The following HDAC9 variants were observed in gnomAD, a reference collection of about 807,000 sequenced individuals.
HDAC9 encodes the protein histone deacetylase 9, also known as MEF-2 interacting transcription repressor (MITR) protein.
A neutral mutation model predicts 139.4 loss-of-function variants in HDAC9; 41 were observed. The ratio of observed to expected loss-of-function variants is 0.29; its 90% CI spans 0.23 to 0.38. The LOEUF (loss-of-function observed/expected upper bound fraction) is 0.38. Among genes scored for constraint, HDAC9 ranks in the 10% least tolerant of loss-of-function variants. The probability of loss-of-function intolerance (pLI) is 1.00; values close to 1 mark genes in which losing one functional copy is unlikely to be tolerated. For missense variants in HDAC9, 1,147 were observed against 1,297.0 expected, an observed-to-expected ratio of 0.88 and a Z score of 1.78; for synonymous variants, 517 against 476.2, an observed-to-expected ratio of 1.09 and a Z score of -1.12.
chr7:18,162,965 T>G (rs979150276), intron 2 of HDAC9, among the ~76,000 whole-genome samples: 16 of 152,166 alleles, frequency 1.1e-4, no homozygotes, highest in Non-Finnish European at 1.5e-5. Flanking sequence ...ACAATCCAAG[T>G]TTTGGGAATG....
At chr7:18,347,629 A>G (rs1782520763) in intron 1 of HDAC9, among the ~76,000 whole-genome samples, 1 of 152,082 alleles carries the variant, frequency 6.6e-6, no homozygotes, top group South Asian at 2.1e-4. Flanking sequence ...TTTTTTAGAC[A>G]GAGTCTCAGT....
chr7:18,555,572 C>T (rs58218896), intron 2 of HDAC9, among the ~76,000 whole-genome samples: 3,242 of 152,018 alleles, frequency 0.021, 132 homozygotes, highest in African/African-American at 0.074. Context: ...AGTATACACA[C>T]GGAGACAGAC....
chr7:18,128,916 A>G (rs1416946616), intron 1 of HDAC9, among the ~76,000 whole-genome samples: 1 of 151,798 alleles, frequency 6.6e-6, no homozygotes, highest in South Asian at 2.1e-4. Flanking sequence ...TGCCACTCTA[A>G]CAGGCTGAGA....
At chr7:18,793,877 C>T (rs576046361) in intron 17 of HDAC9, among the ~76,000 whole-genome samples, 33 of 151,938 alleles carry the variant, frequency 2.2e-4, no homozygotes, top group East Asian at 5.8e-4. Flanking sequence ...AAATACCAGA[C>T]GGGAAGGATT....
chr7:18,608,576 T>C (rs894043314), intron 6 of HDAC9, among the ~76,000 whole-genome samples: 1 of 152,178 alleles, frequency 6.6e-6, no homozygotes, highest in Admixed American at 6.5e-5. Context: ...TGTATTCTCA[T>C]ATCATTGTAA....
chr7:18,446,505 C>T (rs989134288), intron 1 of HDAC9, among the ~76,000 whole-genome samples: 3 of 152,140 alleles, frequency 2.0e-5, no homozygotes, highest in African/African-American at 7.2e-5. Context: ...AACGTATATT[C>T]AAATATATTA....
intron 11 of HDAC9, among the ~76,000 whole-genome samples, chr7:18,650,978 C>T (rs1397531708): frequency 1.3e-5 from 2 of 152,098 alleles, no homozygotes; most frequent in African/African-American, 4.8e-5. Flanking sequence ...TACCTGCCCT[C>T]AGTTGTCTAA....
At chr7:18,340,415 A>C (rs1781915756) in intron 1 of HDAC9, among the ~76,000 whole-genome samples, 1 of 151,424 alleles carries the variant, frequency 6.6e-6, no homozygotes, top group African/African-American at 2.4e-5. Flanking sequence ...CTCATTTCCT[A>C]CTTGTTCTGT....
chr7:18,267,176 A>T (rs1796057018), intron 2 of HDAC9, among the ~76,000 whole-genome samples: 1 of 152,050 alleles, frequency 6.6e-6, no homozygotes. Context: ...CTTATTTCTA[A>T]ATTTATTTTA....
rs575545908 is a variant in HDAC9, at chr7:18,450,311, C to T, written c.-41-45951C>T. ...ACATCAACATCTGTGATTACTGATT[C>T]AACCCTAGCTCTTTGATATTTATTC... On this transcript the variant is annotated intron_variant, in intron 1 of 3. Coordinates refer to the HDAC9 transcript ENST00000413509. Among the ~76,000 whole-genome samples, 6 of 152,314 alleles carry T rather than the reference C, an allele frequency of 3.9e-5. 1 individual carries two copies. The highest frequency in any genetic ancestry group is 1.2e-4 in the African/African-American group (5 of 41,578).
chr7:18,835,459 C>T lies in HDAC9; in HGVS notation c.2467-8C>T. The T allele has an allele frequency of 1.2e-6, 2 of 1,609,690 alleles. No individual in the cohort carries two copies. The highest frequency in any genetic ancestry group is 1.7e-6 in the Non-Finnish European group (2 of 1,177,414). On this transcript the variant is annotated splice_polypyrimidine_tract_variant and splice_region_variant and intron_variant, in intron 19 of 25. Transcript: ENST00000686413. ...CTGTATTTGTCGTCTGTTTTCATTT[C>T]CCTGTAGGATGTTCACCATGGAAAC...
chr7:18,555,601 G>A (rs979303734), intron 2 of HDAC9, among the ~76,000 whole-genome samples: 33 of 152,224 alleles, frequency 2.2e-4, no homozygotes, highest in African/African-American at 7.0e-4. Context: ...ACAGATGTGT[G>A]TATATGAAAA....
intron 22 of HDAC9, among the ~76,000 whole-genome samples, chr7:18,920,660 T>A (rs1444679185): frequency 2.0e-5 from 3 of 152,160 alleles, no homozygotes; most frequent in African/African-American, 7.2e-5. Context: ...TATTTTGAGA[T>A]ATGTCCCATC....
intron 2 of HDAC9, among the ~76,000 whole-genome samples, chr7:18,248,836 A>G (rs1794733544): frequency 6.6e-6 from 1 of 152,324 alleles, no homozygotes; most frequent in African/African-American, 2.4e-5. Flanking sequence ...TCATTCAGCG[A>G]TTTATTCATT....
At chr7:18,907,306 A>T (rs535254774) in intron 22 of HDAC9, among the ~76,000 whole-genome samples, 1 of 152,364 alleles carries the variant, frequency 6.6e-6, no homozygotes, top group Admixed American at 6.5e-5. Context: ...TTCCCAAGTG[A>T]AATAGAACAA....
Position 18,998,062 on chromosome 7 carries a change from G to C in HDAC9, c.*2000G>C, listed in dbSNP as rs564927417. The C allele has an allele frequency of 1.3e-5, 2 of 151,980 alleles. No individual in the cohort carries two copies. The highest frequency in any genetic ancestry group is 6.6e-5 in the Admixed American group (1 of 15,254). 9.4% of individuals were successfully genotyped at this position (151,980 alleles called of 1,614,324 possible). A position where few individuals can be genotyped will look rare whatever the true frequency, so the allele number is the denominator to read the frequency against. On this transcript the variant is annotated 3_prime_UTR_variant, in exon 26 of 26. Transcript: ENST00000686413. ...TAGCTTATGTTATTTTGCAGTGATT[G>C]CTTGAGGATATTTACTTAAAAAAAT...
chr7:18,234,740 G>A (rs1291464415), intron 2 of HDAC9, among the ~76,000 whole-genome samples: 22 of 152,180 alleles, frequency 1.4e-4, no homozygotes, highest in Admixed American at 1.4e-3. Flanking sequence ...AGACAGCTGG[G>A]ATATAGAGAT....
At chr7:18,473,300 G>A (rs1794864503) in intron 1 of HDAC9, among the ~76,000 whole-genome samples, 1 of 152,248 alleles carries the variant, frequency 6.6e-6, no homozygotes, top group African/African-American at 2.4e-5. Flanking sequence ...TATGGTAGTT[G>A]TGATGAAACC....
At chr7:18,965,018 A>G (rs1339683944) in intron 24 of HDAC9, among the ~76,000 whole-genome samples, 1 of 152,262 alleles carries the variant, frequency 6.6e-6, no homozygotes, top group Non-Finnish European at 1.5e-5. Context: ...TATAGCCCTC[A>G]TAAAAGCTAT....
Sources: allele counts gnomAD v4.1 joint callset (sites outside exome capture counted in the v4.1 genomes callset), GRCh38; gene constraint gnomAD v4.1.1; transcripts MANE v1.5; gene names NCBI Gene and HGNC (gene_info 2026-07-23, HGNC 2026-07-21).